The following CABS1 variants were observed in gnomAD, a reference collection of about 807,000 sequenced individuals.
CABS1 encodes calcium-binding and spermatid-specific protein 1.
For synonymous variants in CABS1, 195 were observed against 169.0 expected (o/e 1.15, Z -1.19); for missense variants, 500 against 464.3 (o/e 1.08, Z -0.71).
Position 70,335,028 on chromosome 4 carries a change from C to T in CABS1, c.-12C>T. On this transcript the variant is annotated 5_prime_UTR_variant, in exon 1 of 2. Coordinates refer to ENST00000273936, the MANE Select transcript of CABS1 (RefSeq NM_033122.4). ...GCAAGACCTGTGAGAGTGCACAGTG[C>T]CACTTCGCCCCATGGCTGAAGATGG... The T allele has an allele frequency of 6.2e-7, 1 of 1,605,218 alleles. No individual in the cohort carries two copies. Among genetic ancestry groups the T allele is most frequent in the Non-Finnish European group, 8.5e-7 (1 of 1,175,478 alleles).
In CABS1 at chr4:70,336,049, C is replaced by T. The variant is rs756032770; in HGVS notation, c.1010C>T (p.Ser337Leu). The change falls in exon 1 of 2, where the codon TCA (serine) becomes TTA (leucine). Residue 337 changes from serine to leucine, a missense_variant. By Grantham distance (145) the Ser-to-Leu change is moderately radical. Transcript: ENST00000273936. ...ATAGCTACAAACCTAGTGGAAGAAT[C>T]ATCTACAGAAGAAGATTTGTCTGAA... is the stretch of plus-strand genomic sequence containing the variant. Reference protein sequence around the residue: ...ASIATNLVEESSTEEDLSETD... With the variant: ...ASIATNLVEELSTEEDLSETD... The T allele has an allele frequency of 5.0e-6, 8 of 1,613,294 alleles. No homozygotes were observed. Among genetic ancestry groups the T allele is most frequent in the South Asian group, 3.3e-5 (3 of 91,064 alleles).
rs892646364 is a variant in CABS1 at position 70,335,934 on chromosome 4, A to G, written c.895A>G (p.Met299Val). 1 of 1,613,590 alleles carries G rather than the reference A, an allele frequency of 6.2e-7. No homozygotes were observed. Among genetic ancestry groups the G allele is most frequent in the Non-Finnish European group, 8.5e-7 (1 of 1,179,702 alleles). Residue 299 changes from methionine to valine, a missense_variant, in exon 1 of 2, where the codon ATG (methionine) becomes GTG (valine). Transcript: ENST00000273936. ...EETTEGASIWMERDTANEAET... is the reference protein window; with the variant it reads ...EETTEGASIWVERDTANEAET... ...AACTACCGAGGGAGCCAGTATTTGG[A>G]TGGAGAGAGATACTGCAAATGAAGC...
In CABS1 at chr4:70,335,739, C is replaced by A. The variant is rs1208754535; in HGVS notation, c.700C>A (p.Leu234Ile). The A allele has an allele frequency of 6.2e-7, 1 of 1,613,546 alleles. No individual in the cohort carries two copies. Among genetic ancestry groups the A allele is most frequent in the Admixed American group, 1.7e-5 (1 of 59,942 alleles). Reference protein sequence around the residue: ...SFTTIPDITALEEEKITEIDL... With the variant: ...SFTTIPDITAIEEEKITEIDL... ...CACTACTATTCCAGACATAACTGCC[C>A]TTGAAGAAGAGAAAATAACCGAAAT... The change falls in exon 1 of 2, where the codon CTT becomes ATT. Residue 234 changes from leucine (L) to isoleucine (I), a missense_variant. Leu to Ile is a conservative substitution (Grantham distance 5). Coordinates refer to ENST00000273936, the MANE Select transcript of CABS1 (RefSeq NM_033122.4).
At position 70,336,039 on chromosome 4, in the gene CABS1, G is replaced by A. The variant is rs1731721436; in HGVS notation, c.1000G>A (p.Val334Met). The change falls in exon 1 of 2, where the codon GTG (valine) becomes ATG (methionine). Residue 334 changes from valine (V) to methionine (M), a missense_variant. Transcript: ENST00000273936. ...VVPASIATNL[V>M]EESSTEEDLS... ...CCCTGCATCAATAGCTACAAACCTA[G>A]TGGAAGAATCATCTACAGAAGAAGA... The A allele has an allele frequency of 6.2e-7, 1 of 1,613,464 alleles. No individual in the cohort carries two copies. The highest frequency in any genetic ancestry group is 8.5e-7 in the Non-Finnish European group (1 of 1,179,622).
chr4:70,335,203 T>C lies in CABS1; in HGVS notation c.164T>C (p.Met55Thr), dbSNP rs1731691387. Residue 55 changes from methionine to threonine, a missense_variant, in exon 1 of 2, where the codon ATG (methionine) becomes ACG (threonine). By Grantham distance (81) the Met-to-Thr change is moderately conservative. Coordinates refer to ENST00000273936, the MANE Select transcript of CABS1 (RefSeq NM_033122.4). The stretch of plus-strand genomic sequence containing the variant: ...CACGTCACTTCAGTAAATGAATATA[T>C]GCTAGAAAGCGATTTTTCAACAACT... ...GDHVTSVNEY[M>T]LESDFSTTTD... 2 of 1,613,792 alleles carry C rather than the reference T, an allele frequency of 1.2e-6. No individual in the cohort carries two copies. Among genetic ancestry groups the C allele is most frequent in the Non-Finnish European group, 1.7e-6 (2 of 1,179,840 alleles).
Position 70,335,717 on chromosome 4 carries a change from T to A in CABS1, c.678T>A (p.Thr226=), listed in dbSNP as rs764258544. The A allele has an allele frequency of 6.2e-7, 1 of 1,613,612 alleles. No individual in the cohort carries two copies. Among genetic ancestry groups the A allele is most frequent in the South Asian group, 1.1e-5 (1 of 91,082 alleles). Residue 226 remains threonine, a synonymous_variant, in exon 1 of 2, where the codon ACT becomes ACA. Coordinates refer to ENST00000273936, the MANE Select transcript of CABS1 (RefSeq NM_033122.4). ...CTCCTGCTCCTGAAGAAAGCTTCAC[T>A]ACTATTCCAGACATAACTGCCCTTG... The part of the protein sequence containing the change: ...EIPPAPEESF[T]TIPDITALEE...
rs1453656607 is a variant in CABS1 at position 70,336,089 on chromosome 4, G to T, written c.1050G>T (p.Glu350Asp). The part of the protein sequence containing the change: ...EEDLSETDNT[E>D]TVPKITEPFS... Reference sequence around the variant, plus strand: ...ATTTGTCTGAAACTGATAATACAGAGACTGTACCTAAGATCACTGAGCCAT... The same window carrying T: ...ATTTGTCTGAAACTGATAATACAGATACTGTACCTAAGATCACTGAGCCAT... Residue 350 changes from glutamate to aspartate, a missense_variant, in exon 1 of 2, where the codon GAG becomes GAT. Transcript: ENST00000273936. 5 of 1,613,126 alleles carry T rather than the reference G, an allele frequency of 3.1e-6. No homozygotes were observed. In the African/African-American group the frequency reaches 5.3e-5, roughly 17 times the overall value.
chr4:70,335,292 TTTA>T lies in CABS1; in HGVS notation c.257_259del (p.Ile86del). ...ATCAGAAGATGATATGGGGACCGAC[TTTA>T]TTAAGTCAACAACTCACCTACAGAA... On this transcript the variant is annotated inframe_deletion, in exon 1 of 2. Coordinates refer to ENST00000273936, the MANE Select transcript of CABS1 (RefSeq NM_033122.4). 6.2e-7 allele frequency: 1 copy of T among 1,613,790 alleles called. No homozygotes were observed. The highest frequency in any genetic ancestry group is 8.5e-7 in the Non-Finnish European group (1 of 1,179,882).
rs768400131 is a variant in CABS1 at position 70,335,637 on chromosome 4, CCTGCTGATGAGGCTGTCCAGGTCA to C, written c.602_625del (p.Ala201_Thr208del). 18 of 1,613,424 alleles carry C rather than the reference CCTGCTGATGAGGCTGTCCAGGTCA, an allele frequency of 1.1e-5. 1 individual carries two copies. The Admixed American group carries it at 3.0e-4, about 27-fold the overall frequency. On this transcript the variant is annotated inframe_deletion, in exon 1 of 2. Transcript: ENST00000273936. Reference sequence around the variant, plus strand: ...TAATTCCTCCATCAAATCCAATGTCCCTGCTGATGAGGCTGTCCAGGTCACTGATTCCACTATTCCTGAGGCTGA... The same window carrying C: ...TAATTCCTCCATCAAATCCAATGTCCCTGATTCCACTATTCCTGAGGCTGA...
Position 70,336,189 on chromosome 4 carries a change from G to C in CABS1, c.1150G>C (p.Glu384Gln), listed in dbSNP as rs1560516066. 6.2e-7 allele frequency: 1 copy of C among 1,611,958 alleles called. No individual in the cohort carries two copies. The highest frequency in any genetic ancestry group is 8.5e-7 in the Non-Finnish European group (1 of 1,179,014). The change falls in exon 1 of 2, where the codon GAA (glutamate) becomes CAA (glutamine). Residue 384 changes from glutamate to glutamine, a missense_variant. Coordinates refer to ENST00000273936, the MANE Select transcript of CABS1 (RefSeq NM_033122.4). The part of the protein sequence containing the change: ...DTSTTETDIF[E>Q]LLKEEPDEFM... ...CTCCACAACTGAAACGGATATCTTT[G>C]AACTACTGAAAGAAGAACCCGATGA...
rs142164310 is a variant in CABS1, at chr4:70,336,024, A to G, written c.985A>G (p.Ile329Val). Residue 329 changes from isoleucine to valine, a missense_variant, in exon 1 of 2, where the codon ATA (isoleucine) becomes GTA (valine). Ile to Val is a conservative substitution (Grantham distance 29, BLOSUM62 3). Coordinates refer to ENST00000273936, the MANE Select transcript of CABS1 (RefSeq NM_033122.4). The stretch of plus-strand genomic sequence containing the variant: ...ATATGACTTCGTTGTCCCTGCATCA[A>G]TAGCTACAAACCTAGTGGAAGAATC... ...SRYDFVVPAS[I>V]ATNLVEESST... The G allele has an allele frequency of 2.0e-5, 33 of 1,613,522 alleles. No homozygotes were observed. Among genetic ancestry groups the G allele is most frequent in the African/African-American group, 1.6e-4 (12 of 74,986 alleles).
chr4:70,336,605 A>G (rs1425053164), intron 1 of CABS1, among the ~76,000 whole-genome samples: 5 of 149,674 alleles, frequency 3.3e-5, no homozygotes, highest in Non-Finnish European at 7.5e-5. Flanking sequence ...TTAAGTGAGA[A>G]TTAAGGATAT....
Position 70,335,114 on chromosome 4 carries a change from C to A in CABS1, c.75C>A (p.Thr25=), listed in dbSNP as rs753508325. 6.2e-7 allele frequency: 1 copy of A among 1,613,742 alleles called. No homozygotes were observed. The highest frequency in any genetic ancestry group is 8.5e-7 in the Non-Finnish European group (1 of 1,179,800). ...GCAGTAAAACACCAACTGCAGCAACCATTTTCTTTGGGGCTGACAATGCTA... is the reference window on the plus strand; with the variant it reads ...GCAGTAAAACACCAACTGCAGCAACAATTTTCTTTGGGGCTGACAATGCTA... The part of the protein sequence containing the change: ...TESSKTPTAA[T]IFFGADNAIP... Residue 25 remains threonine, a synonymous_variant, in exon 1 of 2, where the codon ACC becomes ACA. Coordinates refer to ENST00000273936, the MANE Select transcript of CABS1 (RefSeq NM_033122.4).
rs1309655131 is a variant in CABS1 at position 70,335,703 on chromosome 4, G to A, written c.664G>A (p.Glu222Lys). 1.2e-6 allele frequency: 2 copies of A among 1,613,486 alleles called. No homozygotes were observed. Among genetic ancestry groups the A allele is most frequent in the Non-Finnish European group, 1.7e-6 (2 of 1,179,778 alleles). ...IPEAEIPPAP[E>K]ESFTTIPDIT... ...TGAGGCTGAAATCCCTCCTGCTCCTGAAGAAAGCTTCACTACTATTCCAGA... is the reference window on the plus strand; with the variant it reads ...TGAGGCTGAAATCCCTCCTGCTCCTAAAGAAAGCTTCACTACTATTCCAGA... The change falls in exon 1 of 2, where the codon GAA (glutamate) becomes AAA (lysine). Residue 222 changes from glutamate to lysine, a missense_variant. Physicochemically the swap from Glu to Lys is moderately conservative, Grantham distance 56. Transcript: ENST00000273936.
intron 1 of CABS1, among the ~76,000 whole-genome samples, chr4:70,336,653 A>T (rs72849180): frequency 0.013 from 1,861 of 143,664 alleles, 52 homozygotes; most frequent in African/African-American, 0.043. Context: ...ACATTACCAT[A>T]GCCTAAAAAG....
rs143280061 is a variant in CABS1, at chr4:70,335,288, C to G, written c.249C>G (p.Thr83=). 56 of 1,613,522 alleles carry G rather than the reference C, an allele frequency of 3.5e-5. No homozygotes were observed. The highest frequency in any genetic ancestry group is 4.7e-5 in the Non-Finnish European group (56 of 1,179,832). The change falls in exon 1 of 2, where the codon ACC becomes ACG. Residue 83 remains threonine (T), a synonymous_variant. Coordinates refer to ENST00000273936, the MANE Select transcript of CABS1 (RefSeq NM_033122.4). The part of the protein sequence containing the change: ...EKLKSEDDMG[T]DFIKSTTHLQ... ...TCAAATCAGAAGATGATATGGGGAC[C>G]GACTTTATTAAGTCAACAACTCACC...
At chr4:70,336,417 A>G (rs1389042201) in intron 1 of CABS1, 71 bp downstream of exon 1, 6 of 710,644 alleles carry the variant, frequency 8.4e-6, no homozygotes, top group South Asian at 3.5e-5. Flanking sequence ...GGAAACTTAG[A>G]AAAAAAAACC....
Position 70,336,329 on chromosome 4 carries a change from A to G in CABS1, c.*102A>G. On this transcript the variant is annotated 3_prime_UTR_variant, in exon 1 of 2. Coordinates refer to ENST00000273936, the MANE Select transcript of CABS1 (RefSeq NM_033122.4). ...ACAAGCAAAAACCTTTAGAAATGAA[A>G]GAATGTGGGCATTTAAGGCAAGTAT... is the stretch of plus-strand genomic sequence containing the variant. 1 of 1,434,646 alleles carries G rather than the reference A, an allele frequency of 7.0e-7. No homozygotes were observed. The highest frequency in any genetic ancestry group is 9.2e-7 in the Non-Finnish European group (1 of 1,085,860). 88.9% of individuals were successfully genotyped at this position (1,434,646 alleles called of 1,614,324 possible). A position where few individuals can be genotyped will look rare whatever the true frequency, so the allele number is the denominator to read the frequency against.
Position 70,336,015 on chromosome 4 carries a change from C to G in CABS1, c.976C>G (p.Pro326Ala). 2 of 1,613,448 alleles carry G rather than the reference C, an allele frequency of 1.2e-6. No homozygotes were observed. Among genetic ancestry groups the G allele is most frequent in the Non-Finnish European group, 1.7e-6 (2 of 1,179,640 alleles). The change falls in exon 1 of 2, where the codon CCT (proline) becomes GCT (alanine). Residue 326 changes from proline (P) to alanine (A), a missense_variant. Coordinates refer to ENST00000273936, the MANE Select transcript of CABS1 (RefSeq NM_033122.4). The stretch of plus-strand genomic sequence containing the variant: ...TGAATCCAGATATGACTTCGTTGTC[C>G]CTGCATCAATAGCTACAAACCTAGT... ...AVESRYDFVV[P>A]ASIATNLVEE...
Sources: allele counts gnomAD v4.1 joint callset (sites outside exome capture counted in the v4.1 genomes callset), GRCh38; gene constraint gnomAD v4.1.1; transcripts MANE v1.5; gene names NCBI Gene and HGNC (gene_info 2026-07-23, HGNC 2026-07-21).